MAD1L1: variants seen among roughly 807,000 people sequenced by gnomAD.
MAD1L1 encodes mitotic arrest deficient 1 like 1.
MAD1L1 carries 95 observed loss-of-function variants against 96.9 expected under a neutral mutation model. That is an observed-to-expected ratio of 0.98 (90% CI 0.83 to 1.16). MAD1L1 has a LOEUF of 1.16. MAD1L1 is among the 50% of genes most tolerant of loss of function. MAD1L1 has a pLI of 0.00. For synonymous variants in MAD1L1, 473 were observed against 396.6 expected, an observed-to-expected ratio of 1.19 and a Z score of -2.29; for missense variants, 1,007 against 954.4, an observed-to-expected ratio of 1.06 and a Z score of -0.73.
intron 11 of MAD1L1, among the ~76,000 whole-genome samples, chr7:2,076,059 C>T (rs1322580209): frequency 4.6e-5 from 7 of 152,216 alleles, no homozygotes; most frequent in Non-Finnish European, 1.5e-5. Flanking sequence ...TGTGTGCTCC[C>T]GGGACCTGAT....
rs564796019 is a variant in MAD1L1, at chr7:2,054,516, T to C, written c.1218+14678A>G. Among the ~76,000 whole-genome samples the C allele has an allele frequency of 2.0e-5, 3 of 152,342 alleles. No homozygotes were observed. In the East Asian group the frequency reaches 5.8e-4, roughly 29 times the overall value. The stretch of plus-strand genomic sequence containing the variant: ...AGTGCAGCAGTGTCTGTGACAAGGT[T>C]GGCTTTCTAATAACTGTGCAAATGG... On this transcript the variant is annotated intron_variant, in intron 12 of 18. Transcript: ENST00000265854.
At chr7:2,020,382 C>T (rs558754249) in intron 12 of MAD1L1, among the ~76,000 whole-genome samples, 1 of 152,238 alleles carries the variant, frequency 6.6e-6, no homozygotes, top group Non-Finnish European at 1.5e-5. Context: ...CGGCACCATG[C>T]GGCCCCCACC....
At chr7:1,829,936 C>A (rs1247312988) in intron 18 of MAD1L1, among the ~76,000 whole-genome samples, 1 of 152,136 alleles carries the variant, frequency 6.6e-6, no homozygotes, top group Non-Finnish European at 1.5e-5. Flanking sequence ...CTGTAAAGTA[C>A]AGAAAGACAA....
chr7:1,843,761 A>G (rs1160914253), intron 18 of MAD1L1, among the ~76,000 whole-genome samples: 4 of 152,110 alleles, frequency 2.6e-5, no homozygotes, highest in African/African-American at 9.7e-5. Flanking sequence ...GCCCGCTGCA[A>G]GAAGAAGCCC....
intron 18 of MAD1L1, among the ~76,000 whole-genome samples, chr7:1,827,451 CCCTCCT>C (rs1782460614): frequency 1.1e-5 from 1 of 94,776 alleles, no homozygotes; most frequent in Non-Finnish European, 2.5e-5. Context: ...TGGGGTCCTC[CCCTCCT>C]GAGCCCGTCG....
chr7:2,212,182 G>A (rs1280495280), intron 10 of MAD1L1, among the ~76,000 whole-genome samples: 3 of 152,224 alleles, frequency 2.0e-5, no homozygotes, highest in Admixed American at 1.3e-4. Context: ...GAAGGATGGG[G>A]CAGGAGGACA....
chr7:1,905,976 G>A (rs1176636030), intron 17 of MAD1L1, among the ~76,000 whole-genome samples: 6 of 146,230 alleles, frequency 4.1e-5, no homozygotes, highest in Non-Finnish European at 8.9e-5. Context: ...CTTGAGCCCA[G>A]TAAGCAGAGG....
At chr7:1,895,809 C>A (rs773225463) in intron 18 of MAD1L1, among the ~76,000 whole-genome samples, 1 of 152,242 alleles carries the variant, frequency 6.6e-6, no homozygotes, top group Admixed American at 6.5e-5. Flanking sequence ...CCTGCAAAGT[C>A]ACATTCACAC....
intron 17 of MAD1L1, among the ~76,000 whole-genome samples, chr7:1,910,545 T>G (rs1011048091): frequency 3.9e-5 from 6 of 152,190 alleles, no homozygotes; most frequent in Non-Finnish European, 2.9e-5. Flanking sequence ...AGCAGCTGTC[T>G]CCATTGGTCA....
At chr7:1,920,657 C>A (rs1357178532) in intron 17 of MAD1L1, among the ~76,000 whole-genome samples, 1 of 152,182 alleles carries the variant, frequency 6.6e-6, no homozygotes. Context: ...GGGCGGACTA[C>A]AGTCAGCCAC....
At chr7:2,020,762 CTT>C (rs55993035) in intron 12 of MAD1L1, among the ~76,000 whole-genome samples, 76 of 147,312 alleles carry the variant, frequency 5.2e-4, no homozygotes, top group African/African-American at 4.5e-4. Flanking sequence ...AAAAAGAATA[CTT>C]TTTTTTTTTT....
At chr7:2,151,190 T>C (rs1789552807) in intron 10 of MAD1L1, among the ~76,000 whole-genome samples, 2 of 152,354 alleles carry the variant, frequency 1.3e-5, no homozygotes, top group South Asian at 2.1e-4. Flanking sequence ...TTAAGTTGTT[T>C]TGCATTAATC....
chr7:1,919,498 A>G (rs1297226006), intron 17 of MAD1L1, among the ~76,000 whole-genome samples: 2 of 152,218 alleles, frequency 1.3e-5, no homozygotes, highest in Admixed American at 6.5e-5. Flanking sequence ...GCACTGGGGA[A>G]TGGGCTCATT....
intron 10 of MAD1L1, 25 bp downstream of exon 10, chr7:2,213,187 C>G (rs1408321984): frequency 1.9e-6 from 3 of 1,613,802 alleles, no homozygotes; most frequent in Admixed American, 1.7e-5. Flanking sequence ...AAGGCGGGAC[C>G]CCGGAGACAC....
At chr7:2,209,664 G>A (rs561268886) in intron 10 of MAD1L1, among the ~76,000 whole-genome samples, 1 of 152,310 alleles carries the variant, frequency 6.6e-6, no homozygotes, top group East Asian at 1.9e-4. Flanking sequence ...CCACCTAGTG[G>A]CAGCAGCTCC....
At chr7:2,096,532 C>G (rs1021240323) in intron 11 of MAD1L1, among the ~76,000 whole-genome samples, 4 of 152,020 alleles carry the variant, frequency 2.6e-5, no homozygotes, top group East Asian at 3.9e-4. Context: ...CTATTTTATT[C>G]TGTGTGTGCA....
At chr7:2,202,041 G>C (rs943107604) in intron 10 of MAD1L1, 1 of 152,316 alleles carries the variant, frequency 6.6e-6, no homozygotes, top group Non-Finnish European at 1.5e-5. Flanking sequence ...AGGACCCCAG[G>C]GGGGCCCTGT....
intron 10 of MAD1L1, among the ~76,000 whole-genome samples, chr7:2,161,916 G>C (rs866377572): frequency 6.7e-6 from 1 of 148,308 alleles, no homozygotes; most frequent in African/African-American, 2.5e-5. Flanking sequence ...CCGCCAGCCA[G>C]CCCGTCCGGG....
intron 14 of MAD1L1, among the ~76,000 whole-genome samples, chr7:1,992,440 C>T (rs1039991001): frequency 2.0e-5 from 3 of 152,198 alleles, no homozygotes; most frequent in Admixed American, 1.3e-4. Flanking sequence ...TGGAGAAAAA[C>T]GTGTGCAAGT....
Sources: allele counts gnomAD v4.1 joint callset (sites outside exome capture counted in the v4.1 genomes callset), GRCh38; gene constraint gnomAD v4.1.1; transcripts MANE v1.5; gene names NCBI Gene and HGNC (gene_info 2026-07-23, HGNC 2026-07-21).